The following SLC37A1 variants were observed in gnomAD, a reference collection of about 807,000 sequenced individuals.
SLC37A1 encodes the protein glucose-6-phosphate exchanger SLC37A1.
Under a neutral mutation model 75.3 loss-of-function variants are expected in SLC37A1, and 49 were observed. The ratio of observed to expected loss-of-function variants is 0.65; its 90% CI spans 0.52 to 0.83. The LOEUF (loss-of-function observed/expected upper bound fraction) is 0.83, where lower values mean the gene tolerates loss of function less well. Among genes scored for constraint, SLC37A1 ranks in the 40% least tolerant of loss-of-function variants. The pLI, the probability that SLC37A1 is intolerant of heterozygous loss-of-function variation, is 0.00. For missense variants in SLC37A1, 566 were observed against 695.0 expected, an observed-to-expected ratio of 0.81 and a Z score of 2.09; for synonymous variants, 268 against 292.1, an observed-to-expected ratio of 0.92 and a Z score of 0.84.
chr21:42,533,189 C>T (rs948541797), intron 3 of SLC37A1, among the ~76,000 whole-genome samples: 2 of 152,210 alleles, frequency 1.3e-5, no homozygotes, highest in African/African-American at 2.4e-5. Context: ...CAGCTTTGTG[C>T]ACTGCCCTCC....
At chr21:42,573,372 C>G (rs75855560) in intron 17 of SLC37A1, among the ~76,000 whole-genome samples, 1 of 152,190 alleles carries the variant, frequency 6.6e-6, no homozygotes, top group Non-Finnish European at 1.5e-5. Flanking sequence ...TCCGCTGGGC[C>G]TCGCTCTGCT....
chr21:42,561,481 T>G (rs1368571958), intron 11 of SLC37A1: 2 of 157,020 alleles, frequency 1.3e-5, no homozygotes, highest in African/African-American at 4.8e-5. Flanking sequence ...GACACAATGG[T>G]CGGAATTGTT....
intron 9 of SLC37A1, among the ~76,000 whole-genome samples, chr21:42,553,055 G>A (rs1322707237): frequency 6.6e-6 from 1 of 152,200 alleles, no homozygotes; most frequent in Non-Finnish European, 1.5e-5. Flanking sequence ...CAGGGGAAAT[G>A]CCTCGAAATG....
At chr21:42,580,132 G>A (rs544911149) in intron 19 of SLC37A1, among the ~76,000 whole-genome samples, 28 of 146,174 alleles carry the variant, frequency 1.9e-4, no homozygotes, top group Non-Finnish European at 3.0e-4. Context: ...GTCCTCCCTC[G>A]CTCCCTTCTC....
At chr21:42,538,403 A>G (rs1173674150) in intron 5 of SLC37A1, among the ~76,000 whole-genome samples, 2 of 152,182 alleles carry the variant, frequency 1.3e-5, no homozygotes, top group Non-Finnish European at 2.9e-5. Context: ...TTACTTGGTG[A>G]ATTCGGAAGG....
At chr21:42,522,036 G>A (rs1011828589) in intron 2 of SLC37A1, among the ~76,000 whole-genome samples, 1 of 152,200 alleles carries the variant, frequency 6.6e-6, no homozygotes, top group African/African-American at 2.4e-5. Flanking sequence ...GTTCTTGGCT[G>A]GTGGCTGCAT....
chr21:42,502,422 G>A (rs1020137835), intron 2 of SLC37A1: 1 of 152,076 alleles, frequency 6.6e-6, no homozygotes, highest in Non-Finnish European at 1.5e-5. Context: ...CCTACTGTAA[G>A]TCCTATTTTT....
At chr21:42,515,376 T>A (rs543018676) in intron 1 of SLC37A1, among the ~76,000 whole-genome samples, 2 of 151,910 alleles carry the variant, frequency 1.3e-5, no homozygotes, top group African/African-American at 2.4e-5. Flanking sequence ...TAAAAAAAAA[T>A]GTCATAAAGT....
intron 6 of SLC37A1, among the ~76,000 whole-genome samples, chr21:42,540,482 TTG>T (rs563976931): frequency 9.9e-5 from 15 of 151,964 alleles, no homozygotes; most frequent in African/African-American, 3.1e-4. Context: ...AGGGCCGACT[TTG>T]GAGTTGGGCA....
intron 19 of SLC37A1, 132 bp downstream of exon 19, chr21:42,579,932 C>T: frequency 1.3e-6 from 1 of 793,176 alleles, no homozygotes; most frequent in African/African-American, 1.7e-5. Context: ...GGCACGCCAC[C>T]TTCACTCTCA....
intron 9 of SLC37A1, among the ~76,000 whole-genome samples, chr21:42,549,555 A>T (rs1370233755): frequency 2.0e-5 from 3 of 152,138 alleles, no homozygotes; most frequent in African/African-American, 7.2e-5. Flanking sequence ...ATATCTGGGG[A>T]TATTTTATCA....
At chr21:42,539,403 C>T in intron 5 of SLC37A1, 109 bp from the exon 6 acceptor site, 2 of 1,303,834 alleles carry the variant, frequency 1.5e-6, no homozygotes, top group Non-Finnish European at 2.1e-6. Context: ...TTGAGAGTTC[C>T]CCAAGCTCAG....
intron 2 of SLC37A1, among the ~76,000 whole-genome samples, chr21:42,524,293 C>G (rs768899362): frequency 1.3e-5 from 2 of 149,708 alleles, no homozygotes; most frequent in Non-Finnish European, 3.0e-5. Flanking sequence ...TTTGTTGCCC[C>G]AAAAAGTATT....
intron 7 of SLC37A1, among the ~76,000 whole-genome samples, chr21:42,543,171 C>G (rs1042092578): frequency 6.6e-6 from 1 of 152,228 alleles, no homozygotes; most frequent in Non-Finnish European, 1.5e-5. Context: ...CCAAGACTTT[C>G]AGGGAAAGGC....
chr21:42,569,731 T>A (rs1329154963), intron 17 of SLC37A1, among the ~76,000 whole-genome samples: 1 of 152,234 alleles, frequency 6.6e-6, no homozygotes, highest in African/African-American at 2.4e-5. Flanking sequence ...CTCTGTTTTG[T>A]CTCCTCTGTC....
At chr21:42,565,678 G>A (rs140603238) in intron 14 of SLC37A1, 149 bp from the exon 15 acceptor site, 36 of 659,102 alleles carry the variant, frequency 5.5e-5, no homozygotes, top group Admixed American at 1.5e-4. Context: ...AGACGGGAGG[G>A]GGCGTGGCCG....
chr21:42,535,529 A>G lies in SLC37A1; in HGVS notation c.329A>G (p.Tyr110Cys), dbSNP rs564499706. 5.6e-6 allele frequency: 9 copies of G among 1,614,210 alleles called. No homozygotes were observed. Among genetic ancestry groups the G allele is most frequent in the Non-Finnish European group, 6.8e-6 (8 of 1,180,020 alleles). The change falls in exon 5 of 20, where the codon TAT (tyrosine) becomes TGT (cysteine). Residue 110 changes from tyrosine (Y) to cysteine (C), a missense_variant. Physicochemically the swap from Tyr to Cys is radical, Grantham distance 194 (BLOSUM62 -2). Transcript: ENST00000352133. ...GALDYSFLCA[Y>C]AVGMYLSGII... ...CTGGACTACTCCTTCCTGTGCGCCTATGCCGTGGGGATGTACCTCAGGTAG... is the reference window on the plus strand; with the variant it reads ...CTGGACTACTCCTTCCTGTGCGCCTGTGCCGTGGGGATGTACCTCAGGTAG...
chr21:42,543,473 T>G lies in SLC37A1; in HGVS notation c.601T>G (p.Ser201Ala), dbSNP rs1307674727. 6.2e-7 allele frequency: 1 copy of G among 1,614,072 alleles called. No individual in the cohort carries two copies. The highest frequency in any genetic ancestry group is 1.7e-5 in the Admixed American group (1 of 59,998). ...LIMGVWNSHT[S>A]VGNILGSLIA... ...TATGGGGGTCTGGAACTCCCACACC[T>G]CCGTGGGCAACATCTTGGGGTCATT... Residue 201 changes from serine to alanine, a missense_variant, in exon 8 of 20, where the codon TCC becomes GCC. Transcript: ENST00000352133.
At chr21:42,580,224 C>T in intron 19 of SLC37A1, 121 bp from the exon 20 acceptor site, 1 of 1,160,008 alleles carries the variant, frequency 8.6e-7, no homozygotes, top group South Asian at 1.3e-5. Flanking sequence ...AGAGGAATCC[C>T]TGCTGGGCCG....
Sources: gnomAD v4.1 joint callset for allele counts (sites outside exome capture counted in the v4.1 genomes callset) on GRCh38, gnomAD v4.1.1 for gene constraint, MANE v1.5 for transcripts, NCBI Gene and HGNC (gene_info 2026-07-23, HGNC 2026-07-21) for gene names.